Variants in ADAM12 observed in about 807,000 individuals in gnomAD.
ADAM12 encodes the protein ADAM metallopeptidase domain 12.
In ADAM12, 70 loss-of-function variants were observed where a neutral mutation model predicts 106.4. The ratio of observed to expected loss-of-function variants is 0.66; its 90% CI spans 0.54 to 0.80. ADAM12 has a LOEUF of 0.80. ADAM12 is among the 30% of genes least tolerant of loss of function. The pLI is 0.00. For missense variants in ADAM12, 1,010 were observed against 1,171.9 expected (o/e 0.86, Z 2.02); for synonymous variants, 420 against 433.5 (o/e 0.97, Z 0.39).
At chr10:126,298,998 G>T (rs1176403328) in intron 2 of ADAM12, among the ~76,000 whole-genome samples, 2 of 152,196 alleles carry the variant, frequency 1.3e-5, no homozygotes, top group African/African-American at 4.8e-5. Flanking sequence ...TTGCATTAAA[G>T]AAATACTAAG....
intron 5 of ADAM12, among the ~76,000 whole-genome samples, chr10:126,126,951 A>G (rs534301436): frequency 2.6e-5 from 4 of 152,240 alleles, no homozygotes; most frequent in Admixed American, 1.3e-4. Flanking sequence ...GTTTTGAGTG[A>G]CAGTGGGGCC....
chr10:126,373,272 C>T (rs1856172687), intron 1 of ADAM12, among the ~76,000 whole-genome samples: 2 of 152,204 alleles, frequency 1.3e-5, no homozygotes, highest in Non-Finnish European at 2.9e-5. Context: ...GGAGCGGCTT[C>T]TGGGAGTGGA....
At chr10:126,120,940 T>TACATATGTAATATAATATATATTATATA (rs1565073552) in intron 5 of ADAM12, among the ~76,000 whole-genome samples, 8 of 138,144 alleles carry the variant, frequency 5.8e-5, no homozygotes, top group South Asian at 2.1e-4. Flanking sequence ...TATTATATAT[T>TACATATGTAATATAATATATATTATATA]ACATATGTAA....
At chr10:126,157,468 C>T (rs1476994929) in intron 3 of ADAM12, among the ~76,000 whole-genome samples, 1 of 152,214 alleles carries the variant, frequency 6.6e-6, no homozygotes, top group Admixed American at 6.5e-5. Context: ...TAGACCTGCT[C>T]CCAGCCAAGT....
At chr10:126,042,403 CTG>C (rs80316743) in intron 18 of ADAM12, among the ~76,000 whole-genome samples, 1 of 151,816 alleles carries the variant, frequency 6.6e-6, no homozygotes, top group Admixed American at 6.6e-5. Flanking sequence ...ACAGGCAGAC[CTG>C]TGTGTGTGTA....
intron 14 of ADAM12, among the ~76,000 whole-genome samples, chr10:126,055,206 A>G (rs1182412623): frequency 1.3e-5 from 2 of 152,128 alleles, no homozygotes; most frequent in African/African-American, 2.4e-5. Flanking sequence ...ACGGCCCCCA[A>G]ATCCCAGCTG....
intron 1 of ADAM12, among the ~76,000 whole-genome samples, chr10:126,382,366 G>A (rs1564768439): frequency 6.6e-6 from 1 of 152,218 alleles, no homozygotes; most frequent in Non-Finnish European, 1.5e-5. Flanking sequence ...AGGACTCCCA[G>A]GAATCGTGAA....
intron 21 of ADAM12, among the ~76,000 whole-genome samples, chr10:126,022,277 A>T (rs1043131421): frequency 1.3e-5 from 2 of 152,226 alleles, no homozygotes; most frequent in African/African-American, 4.8e-5. Context: ...TATGGTCACC[A>T]TAGTGATGAA....
intron 1 of ADAM12, among the ~76,000 whole-genome samples, chr10:126,370,759 G>A (rs541208991): frequency 6.6e-6 from 1 of 152,280 alleles, no homozygotes; most frequent in South Asian, 2.1e-4. Context: ...GTCCTCCCTT[G>A]GCAGCCCAGT....
At chr10:126,154,741 C>G (rs1212874050) in intron 4 of ADAM12, among the ~76,000 whole-genome samples, 1 of 152,174 alleles carries the variant, frequency 6.6e-6, no homozygotes, top group African/African-American at 2.4e-5. Flanking sequence ...ACCAGAAACA[C>G]TGCCTGAGAG....
chr10:126,058,598 G>T (rs1954683658), intron 14 of ADAM12, among the ~76,000 whole-genome samples: 1 of 152,208 alleles, frequency 6.6e-6, no homozygotes. Context: ...AGCAGATGCA[G>T]CTCCAGCACT....
At chr10:126,326,528 C>A (rs986926420) in intron 2 of ADAM12, among the ~76,000 whole-genome samples, 18 of 152,270 alleles carry the variant, frequency 1.2e-4, no homozygotes, top group Non-Finnish European at 2.4e-4. Context: ...CCAGTCCAAT[C>A]GCTTCTGGTG....
At position 126,316,783 on chromosome 10, in the gene ADAM12, C is replaced by CAA. The variant is rs376131530; in HGVS notation, c.186+13627_186+13628dup. 6.4e-3 allele frequency among the ~76,000 whole-genome samples: 526 copies of CAA among 82,694 alleles called. 4 individuals carry two copies. Among genetic ancestry groups the CAA allele is most frequent in the African/African-American group, 0.019 (413 of 21,772 alleles). 54.3% of individuals were successfully genotyped at this position (82,694 alleles called of 152,430 possible). Reference sequence around the variant, plus strand: ...TTGGTGACAGAGTGAGACCCTATCTCAAAAAAAAAAAAAAAAAAGAAAAGA... The same window carrying CAA: ...TTGGTGACAGAGTGAGACCCTATCTCAAAAAAAAAAAAAAAAAAAAGAAAAGA... On this transcript the variant is annotated intron_variant, in intron 2 of 22. Coordinates refer to ENST00000448723, the MANE Select transcript of ADAM12 (RefSeq NM_001288973.2).
Position 126,388,058 on chromosome 10 carries a change from C to T in ADAM12, c.88G>A (p.Gly30Arg), listed in dbSNP as rs780276297. 1 of 1,222,516 alleles carries T rather than the reference C, an allele frequency of 8.2e-7. No individual in the cohort carries two copies. Among genetic ancestry groups the T allele is most frequent in the Non-Finnish European group, 1.0e-6 (1 of 980,808 alleles). 75.7% of individuals were successfully genotyped at this position (1,222,516 alleles called of 1,614,324 possible). A position where few individuals can be genotyped will look rare whatever the true frequency, so the allele number is the denominator to read the frequency against. The change falls in exon 1 of 23, where the codon GGG becomes AGG. Residue 30 changes from glycine (G) to arginine (R), a missense_variant and splice_region_variant. By Grantham distance (125) the Gly-to-Arg change is moderately radical. This residue lies in a region of ADAM12 where 391 missense variants were observed against 442.9 expected (regional missense o/e 0.88). Transcript: ENST00000448723. This position sits in a 1 kb window ranked among gnomAD's most constrained non-coding sequence, Gnocchi z 4.4. ...GALLAPCEARGVSLWNQGRAD... is the reference protein window; with the variant it reads ...GALLAPCEARRVSLWNQGRAD... Reference sequence around the variant, plus strand: ...GAGCCGCCCTAGTTCGGCGACTTACCTCGGGCCTCGCAGGGCGCGAGCAGA... The same window carrying T: ...GAGCCGCCCTAGTTCGGCGACTTACTTCGGGCCTCGCAGGGCGCGAGCAGA...
intron 1 of ADAM12, among the ~76,000 whole-genome samples, chr10:126,335,651 T>C (rs1186930994): frequency 6.6e-6 from 1 of 152,152 alleles, no homozygotes; most frequent in East Asian, 1.9e-4. Context: ...GCTCCCTACA[T>C]GTAAATTAGT....
At position 126,119,978 on chromosome 10, in the gene ADAM12, C is replaced by A. The variant is rs534678643; in HGVS notation, c.417-1754G>T. On this transcript the variant is annotated intron_variant, in intron 5 of 22. Transcript: ENST00000448723. ...GACAATTTGGGTAACAGCAAACTGG[C>A]ATCTCTGAATTCCCATGTGTCTAGT... 1.1e-4 allele frequency among the ~76,000 whole-genome samples: 16 copies of A among 152,342 alleles called. No homozygotes were observed. In the South Asian group the frequency reaches 2.9e-3, roughly 28 times the overall value.
At chr10:126,189,428 C>A (rs1397300459) in intron 3 of ADAM12, among the ~76,000 whole-genome samples, 2 of 152,144 alleles carry the variant, frequency 1.3e-5, no homozygotes, top group Non-Finnish European at 2.9e-5. Flanking sequence ...GCTTCCAACT[C>A]CTCTTCTTCC....
At chr10:126,047,717 T>C (rs1954365476) in intron 16 of ADAM12, among the ~76,000 whole-genome samples, 1 of 152,196 alleles carries the variant, frequency 6.6e-6, no homozygotes, top group African/African-American at 2.4e-5. Flanking sequence ...AGTTCAACCA[T>C]TGTGGAAAAC....
intron 3 of ADAM12, among the ~76,000 whole-genome samples, chr10:126,213,225 T>C (rs892734782): frequency 6.6e-6 from 1 of 152,220 alleles, no homozygotes; most frequent in African/African-American, 2.4e-5. Flanking sequence ...GGCAAAAGCA[T>C]CATAAACCAG....
Sources: gnomAD v4.1 joint callset for allele counts (sites outside exome capture counted in the v4.1 genomes callset) on GRCh38, gnomAD v4.1.1 for gene constraint, gnomAD v4.1.1 regional missense constraint, Gnocchi (gnomAD v3.1) non-coding constraint, MANE v1.5 for transcripts, NCBI Gene and HGNC (gene_info 2026-07-23, HGNC 2026-07-21) for gene names.